SEC23IP: variants seen among roughly 807,000 people sequenced by gnomAD.
SEC23IP encodes the protein SEC23-interacting protein.
In SEC23IP, 70 loss-of-function variants were observed where a neutral mutation model predicts 113.4. The ratio of observed to expected loss-of-function variants is 0.62; its 90% CI spans 0.51 to 0.75. SEC23IP has a LOEUF of 0.75. Among genes scored for constraint, SEC23IP ranks in the 30% least tolerant of loss-of-function variants. The probability of loss-of-function intolerance (pLI) is 0.00; values close to 1 mark genes in which losing one functional copy is unlikely to be tolerated. For synonymous variants in SEC23IP, 398 were observed against 421.0 expected (o/e 0.95, Z 0.67); for missense variants, 1,160 against 1,204.9 (o/e 0.96, Z 0.55).
chr10:119,916,401 A>G (rs190278724), intron 8 of SEC23IP, among the ~76,000 whole-genome samples: 14 of 152,368 alleles, frequency 9.2e-5, no homozygotes, highest in African/African-American at 1.4e-4. Context: ...CACTGTGACA[A>G]TTAAAAATAC....
chr10:119,929,659 T>C lies in SEC23IP; in HGVS notation c.2366T>C (p.Leu789Ser). The C allele has an allele frequency of 1.9e-6, 3 of 1,609,520 alleles. No homozygotes were observed. The highest frequency in any genetic ancestry group is 2.6e-6 in the Non-Finnish European group (3 of 1,175,764). Reference protein sequence around the residue: ...LDFEPEIFFALGSPIAMFLTI... With the variant: ...LDFEPEIFFASGSPIAMFLTI... ...TTTGAACCAGAGATATTCTTTGCCTTGGGGTCTCCAATTGCTATGTTTCTC... is the reference window on the plus strand; with the variant it reads ...TTTGAACCAGAGATATTCTTTGCCTCGGGGTCTCCAATTGCTATGTTTCTC... Residue 789 changes from leucine (L) to serine (S), a missense_variant, in exon 14 of 19, where the codon TTG becomes TCG. Transcript: ENST00000369075.
At chr10:119,934,188 C>G (rs1448926459) in intron 18 of SEC23IP, among the ~76,000 whole-genome samples, 1 of 152,164 alleles carries the variant, frequency 6.6e-6, no homozygotes, top group African/African-American at 2.4e-5. Context: ...TTGCCTCTTC[C>G]CACCTGAATG....
intron 18 of SEC23IP, among the ~76,000 whole-genome samples, chr10:119,935,923 C>T (rs1054640325): frequency 6.6e-6 from 1 of 152,222 alleles, no homozygotes; most frequent in Non-Finnish European, 1.5e-5. Context: ...TGGATCAGAA[C>T]ATGAGAGTGA....
intron 11 of SEC23IP, 55 bp downstream of exon 11, chr10:119,919,651 G>A (rs1266537675): frequency 4.6e-5 from 63 of 1,374,330 alleles, no homozygotes; most frequent in Non-Finnish European, 6.1e-5. Context: ...TGTGTAGATT[G>A]AAAATTAAGA....
At chr10:119,915,961 A>G in intron 8 of SEC23IP, 72 bp downstream of exon 8, 1 of 1,256,696 alleles carries the variant, frequency 8.0e-7, no homozygotes, top group Non-Finnish European at 1.1e-6. Context: ...GTAATATGAA[A>G]TAGTTTATTG....
intron 12 of SEC23IP, among the ~76,000 whole-genome samples, chr10:119,924,678 G>C (rs1855365802): frequency 6.6e-6 from 1 of 152,024 alleles, no homozygotes; most frequent in South Asian, 2.1e-4. Context: ...CTCCCAAAGT[G>C]CTGGGATTAC....
chr10:119,916,518 GT>G (rs1358562623), intron 8 of SEC23IP, among the ~76,000 whole-genome samples: 1 of 152,178 alleles, frequency 6.6e-6, no homozygotes, highest in African/African-American at 2.4e-5. Flanking sequence ...AGGGTACATA[GT>G]TTAATAAAAC....
At chr10:119,920,058 T>C (rs1464301482) in intron 11 of SEC23IP, among the ~76,000 whole-genome samples, 1 of 151,604 alleles carries the variant, frequency 6.6e-6, no homozygotes, top group Non-Finnish European at 1.5e-5. Context: ...TACAATGGGA[T>C]TTTTTTTAAC....
chr10:119,927,952 G>T (rs969907627), intron 13 of SEC23IP, among the ~76,000 whole-genome samples: 3 of 152,180 alleles, frequency 2.0e-5, no homozygotes, highest in Non-Finnish European at 2.9e-5. Flanking sequence ...AGTTTAGAAG[G>T]TTGCCTGTTT....
chr10:119,904,083 G>A lies in SEC23IP; in HGVS notation c.908-1G>A, dbSNP rs955597302. ...GGAAAAGTGTTAATTTTGTTCTCTAGTTCAGCCAGATCCGGAGAGCGTGGT... is the reference window on the plus strand; with the variant it reads ...GGAAAAGTGTTAATTTTGTTCTCTAATTCAGCCAGATCCGGAGAGCGTGGT... On this transcript the variant is annotated splice_acceptor_variant, in intron 3 of 18. Transcript: ENST00000369075. LOFTEE classifies it high-confidence loss of function. 4 of 1,613,636 alleles carry A rather than the reference G, an allele frequency of 2.5e-6. No individual in the cohort carries two copies. The highest frequency in any genetic ancestry group is 3.4e-6 in the Non-Finnish European group (4 of 1,179,710).
At chr10:119,924,409 C>G (rs141718447) in intron 12 of SEC23IP, among the ~76,000 whole-genome samples, 2 of 151,662 alleles carry the variant, frequency 1.3e-5, no homozygotes, top group Non-Finnish European at 2.9e-5. Flanking sequence ...GCTTTTCTCT[C>G]GTTATAGAGA....
Position 119,926,220 on chromosome 10 carries a change from C to T in SEC23IP, c.2306C>T (p.Ala769Val). Residue 769 changes from alanine to valine, a missense_variant, in exon 13 of 19, where the codon GCC (alanine) becomes GTC (valine). Transcript: ENST00000369075. Reference sequence around the variant, plus strand: ...AATTATGAATCTTTTGAAGTTGGCGCCGGACAGGTGAGTTTACATATTGAC... The same window carrying T: ...AATTATGAATCTTTTGAAGTTGGCGTCGGACAGGTGAGTTTACATATTGAC... ...CVNYESFEVG[A>V]GQVSVAYNSL... is the part of the protein sequence containing the mutation. 6.2e-7 allele frequency: 1 copy of T among 1,613,896 alleles called. No homozygotes were observed. Among genetic ancestry groups the T allele is most frequent in the Non-Finnish European group, 8.5e-7 (1 of 1,179,898 alleles).
In SEC23IP at chr10:119,933,775, TC is replaced by T. The variant is rs1414304123; in HGVS notation, c.*9del. The T allele has an allele frequency of 1.3e-6, 2 of 1,487,330 alleles. No homozygotes were observed. The highest frequency in any genetic ancestry group is 4.5e-5 in the East Asian group (2 of 44,156). The allele number at this position is 1,487,330 out of a possible 1,614,324, so 92.1% of individuals were successfully genotyped here. Reference sequence around the variant, plus strand: ...GAACAGCCCCAGCATTGATCAAACTTCAGTTTTACTGTGTGAGTTTATCCTT... The same window carrying T: ...GAACAGCCCCAGCATTGATCAAACTTAGTTTTACTGTGTGAGTTTATCCTT... On this transcript the variant is annotated 3_prime_UTR_variant, in exon 18 of 19. Transcript: ENST00000369075.
chr10:119,919,485 C>G lies in SEC23IP; in HGVS notation c.1914C>G (p.Asp638Glu), dbSNP rs1564917407. The G allele has an allele frequency of 6.2e-7, 1 of 1,612,522 alleles. No individual in the cohort carries two copies. The highest frequency in any genetic ancestry group is 8.5e-7 in the Non-Finnish European group (1 of 1,179,640). The change falls in exon 11 of 19, where the codon GAC becomes GAG. Residue 638 changes from aspartate to glutamate, a missense_variant. By Grantham distance (45) the Asp-to-Glu change is conservative. Transcript: ENST00000369075. The stretch of plus-strand genomic sequence containing the variant: ...AGCTGACTTTGGATGAGTCGTATGA[C>G]CTTGTTGTTGAAAATAAAGAAGTCC... ...EPKLTLDESY[D>E]LVVENKEVLT...
At chr10:119,914,530 T>C in intron 6 of SEC23IP, 200 bp from the exon 7 acceptor site, 1 of 525,350 alleles carries the variant, frequency 1.9e-6, no homozygotes, top group Non-Finnish European at 3.4e-6. Context: ...CTCCACCTCT[T>C]GTTCTAGTTC....
chr10:119,900,417 C>T (rs909173056), intron 2 of SEC23IP, among the ~76,000 whole-genome samples: 9 of 151,616 alleles, frequency 5.9e-5, no homozygotes, highest in Admixed American at 1.3e-4. Context: ...TCAAGTGATC[C>T]CCCTACCTCA....
intron 10 of SEC23IP, among the ~76,000 whole-genome samples, chr10:119,919,065 C>T (rs544602834): frequency 1.4e-5 from 2 of 146,460 alleles, no homozygotes; most frequent in South Asian, 2.2e-4. Flanking sequence ...GTGATCTCGG[C>T]TCACTGCAAC....
intron 15 of SEC23IP, 116 bp from the exon 16 acceptor site, chr10:119,932,017 G>A: frequency 1.6e-6 from 1 of 628,398 alleles, no homozygotes; most frequent in Non-Finnish European, 2.8e-6. Context: ...ATTTGACATT[G>A]AAAAGAGGAA....
At chr10:119,903,405 A>G (rs552522950) in intron 3 of SEC23IP, among the ~76,000 whole-genome samples, 23 of 152,324 alleles carry the variant, frequency 1.5e-4, no homozygotes, top group Admixed American at 3.3e-4. Flanking sequence ...TGCTCTCTGT[A>G]TCTAGGTCTT....
Sources: gnomAD v4.1 joint callset for allele counts (sites outside exome capture counted in the v4.1 genomes callset) on GRCh38, gnomAD v4.1.1 for gene constraint, MANE v1.5 for transcripts, NCBI Gene and HGNC (gene_info 2026-07-23, HGNC 2026-07-21) for gene names.